Variants in ANKK1 observed in about 807,000 individuals in gnomAD.
ANKK1 encodes the protein ankyrin repeat and protein kinase domain-containing protein 1.
Under a neutral mutation model 37.6 loss-of-function variants are expected in ANKK1, and 37 were observed. The ratio of observed to expected loss-of-function variants is 0.98; its 90% CI spans 0.76 to 1.29. The LOEUF is 1.29. Among genes scored for constraint, ANKK1 ranks in the 50% most tolerant of loss-of-function variants. The pLI, the probability that ANKK1 is intolerant of heterozygous loss-of-function variation, is 0.00. For synonymous variants in ANKK1, 415 were observed against 418.7 expected (o/e 0.99, Z 0.11); for missense variants, 1,019 against 990.6 (o/e 1.03, Z -0.39).
chr11:113,399,593 G>T lies in ANKK1; in HGVS notation c.1624G>T (p.Ala542Ser). ...HLAVERGKVRAIQHLLKSGAV... is the reference protein window; with the variant it reads ...HLAVERGKVRSIQHLLKSGAV... The stretch of plus-strand genomic sequence containing the variant: ...GGCAGTAGAGCGGGGCAAAGTGAGG[G>T]CCATCCAACACCTGCTGAAGAGTGG... The change falls in exon 8 of 8, where the codon GCC becomes TCC. Residue 542 changes from alanine (A) to serine (S), a missense_variant. Ala to Ser is a moderately conservative substitution (Grantham distance 99, BLOSUM62 1). Coordinates refer to ENST00000303941, the MANE Select transcript of ANKK1 (RefSeq NM_178510.2). 3 of 1,605,982 alleles carry T rather than the reference G, an allele frequency of 1.9e-6. No homozygotes were observed. The highest frequency in any genetic ancestry group is 2.5e-6 in the Non-Finnish European group (3 of 1,176,522).
At chr11:113,398,541 G>A (rs1353095453) in intron 7 of ANKK1, among the ~76,000 whole-genome samples, 1 of 152,032 alleles carries the variant, frequency 6.6e-6, no homozygotes, top group South Asian at 2.1e-4. Flanking sequence ...TTTCCCTCAG[G>A]TCCTCCACTG....
intron 2 of ANKK1, among the ~76,000 whole-genome samples, chr11:113,394,424 T>C (rs1950619527): frequency 6.6e-6 from 1 of 152,202 alleles, no homozygotes; most frequent in Non-Finnish European, 1.5e-5. Flanking sequence ...TCATTTTTCT[T>C]ATCTGCTGCC....
At chr11:113,397,059 C>A (rs1053216319) in intron 5 of ANKK1, among the ~76,000 whole-genome samples, 165 bp from the exon 6 acceptor site, 3 of 152,164 alleles carry the variant, frequency 2.0e-5, no homozygotes, top group Non-Finnish European at 4.4e-5. Context: ...GCTGAAGGTG[C>A]CCCACCATGA....
intron 4 of ANKK1, 39 bp downstream of exon 4, chr11:113,395,447 G>A: frequency 6.2e-7 from 1 of 1,608,254 alleles, no homozygotes; most frequent in Non-Finnish European, 8.5e-7. Context: ...GGGGCAGGAG[G>A]ACCCCTGGGA....
rs1950686560 is a variant in ANKK1 at position 113,399,924 on chromosome 11, C to T, written c.1955C>T (p.Pro652Leu). 1.9e-6 allele frequency: 3 copies of T among 1,613,584 alleles called. No individual in the cohort carries two copies. Among genetic ancestry groups the T allele is most frequent in the Non-Finnish European group, 1.7e-6 (2 of 1,179,882 alleles). Residue 652 changes from proline (P) to leucine (L), a missense_variant, in exon 8 of 8, where the codon CCC becomes CTC. Transcript: ENST00000303941. ...GCACTGCTGCAGTGTGGGGCTGACC[C>T]CAATGCTGCAGAGCAGTCAGGCTGG... ...VSALLQCGAD[P>L]NAAEQSGWTP...
Position 113,400,175 on chromosome 11 carries a change from C to A in ANKK1, c.2206C>A (p.Arg736=). The change falls in exon 8 of 8, where the codon CGA becomes AGA. Residue 736 remains arginine (R), a synonymous_variant. Coordinates refer to ENST00000303941, the MANE Select transcript of ANKK1 (RefSeq NM_178510.2). ...CTPLQLALRS[R]KQGIMSFLEG... Reference sequence around the variant, plus strand: ...ACCCCTGCAACTGGCCCTCCGCAGCCGAAAGCAGGGCATCATGTCCTTCCT... The same window carrying A: ...ACCCCTGCAACTGGCCCTCCGCAGCAGAAAGCAGGGCATCATGTCCTTCCT... The A allele has an allele frequency of 6.3e-7, 1 of 1,578,388 alleles. No individual in the cohort carries two copies. Among genetic ancestry groups the A allele is most frequent in the Non-Finnish European group, 8.6e-7 (1 of 1,162,904 alleles).
chr11:113,400,152 C>A lies in ANKK1; in HGVS notation c.2183C>A (p.Pro728His), dbSNP rs1379563521. 6.2e-7 allele frequency: 1 copy of A among 1,603,206 alleles called. No individual in the cohort carries two copies. Among genetic ancestry groups the A allele is most frequent in the Non-Finnish European group, 8.5e-7 (1 of 1,175,186 alleles). ...GTCCAGGATGGAGTGAGCTGCACAC[C>A]CCTGCAACTGGCCCTCCGCAGCCGA... ...LDVQDGVSCT[P>H]LQLALRSRKQ... The change falls in exon 8 of 8, where the codon CCC becomes CAC. Residue 728 changes from proline to histidine, a missense_variant. Transcript: ENST00000303941.
chr11:113,391,476 G>C (rs112038210), intron 1 of ANKK1, among the ~76,000 whole-genome samples: 1 of 152,132 alleles, frequency 6.6e-6, no homozygotes, highest in African/African-American at 2.4e-5. Flanking sequence ...GGAGGCTTGG[G>C]CTGAGATGCA....
In ANKK1 at chr11:113,399,025, A is replaced by G. The variant is rs2138138501; in HGVS notation, c.1056A>G (p.Arg352=). 2.5e-6 allele frequency: 4 copies of G among 1,601,952 alleles called. No homozygotes were observed. The highest frequency in any genetic ancestry group is 3.4e-6 in the Non-Finnish European group (4 of 1,174,328). The change falls in exon 8 of 8, where the codon AGA becomes AGG. Residue 352 remains arginine (R), a synonymous_variant. Coordinates refer to ENST00000303941, the MANE Select transcript of ANKK1 (RefSeq NM_178510.2). ...CCGACCGTAAGAATTTGGTCCCGAG[A>G]GATGAGGAACTGTGTATCTATGAGA... ...QLSDRKNLVP[R]DEELCIYENK...
At chr11:113,391,510 G>A (rs1443790758) in intron 1 of ANKK1, among the ~76,000 whole-genome samples, 1 of 152,106 alleles carries the variant, frequency 6.6e-6, no homozygotes, top group Non-Finnish European at 1.5e-5. Context: ...GTGGTGAGAA[G>A]TGGTCAGCTT....
rs143482544 is a variant in ANKK1 at position 113,389,773 on chromosome 11, G to C, written c.185+1704G>C. 4.6e-5 allele frequency among the ~76,000 whole-genome samples: 7 copies of C among 152,326 alleles called. No homozygotes were observed. In the East Asian group the frequency reaches 1.4e-3, roughly 29 times the overall value. Reference sequence around the variant, plus strand: ...ATCTGTGGCAAGAGGGGCATGGTAAGTACAAAGATGGGAAAAGGCCATGAT... The same window carrying C: ...ATCTGTGGCAAGAGGGGCATGGTAACTACAAAGATGGGAAAAGGCCATGAT... On this transcript the variant is annotated intron_variant, in intron 1 of 7. Transcript: ENST00000303941.
At chr11:113,391,534 A>G (rs1280058028) in intron 1 of ANKK1, among the ~76,000 whole-genome samples, 1 of 152,052 alleles carries the variant, frequency 6.6e-6, no homozygotes, top group African/African-American at 2.4e-5. Context: ...GCTCGACAGT[A>G]TTTTGAAGGT....
chr11:113,399,287 G>A lies in ANKK1; in HGVS notation c.1318G>A (p.Asp440Asn), dbSNP rs1216131846. 6.2e-7 allele frequency: 1 copy of A among 1,604,866 alleles called. No homozygotes were observed. Among genetic ancestry groups the A allele is most frequent in the Non-Finnish European group, 8.5e-7 (1 of 1,176,100 alleles). Reference protein sequence around the residue: ...APLHFAAQNGDDGTARLLLDH... With the variant: ...APLHFAAQNGNDGTARLLLDH... ...ACTGCACTTTGCAGCCCAGAATGGGGATGACGGCACTGCGCGCCTGCTCCT... is the reference window on the plus strand; with the variant it reads ...ACTGCACTTTGCAGCCCAGAATGGGAATGACGGCACTGCGCGCCTGCTCCT... The change falls in exon 8 of 8, where the codon GAT becomes AAT. Residue 440 changes from aspartate (D) to asparagine (N), a missense_variant. Physicochemically the swap from Asp to Asn is conservative, Grantham distance 23. Coordinates refer to ENST00000303941, the MANE Select transcript of ANKK1 (RefSeq NM_178510.2).
rs1189666691 is a variant in ANKK1, at chr11:113,387,879, G to A, written c.-6G>A. 2.6e-6 allele frequency: 4 copies of A among 1,529,682 alleles called. No individual in the cohort carries two copies. Among genetic ancestry groups the A allele is most frequent in the Non-Finnish European group, 3.5e-6 (4 of 1,139,290 alleles). The allele number at this position is 1,529,682 out of a possible 1,614,324, so 94.8% of individuals were successfully genotyped here. ...TGCGCGGCGCGGGGACAGGAAGAGA[G>A]GGGCAATGGCTGCCGACCCCACCGA... is the stretch of plus-strand genomic sequence containing the variant. On this transcript the variant is annotated 5_prime_UTR_variant, in exon 1 of 8. Coordinates refer to ENST00000303941, the MANE Select transcript of ANKK1 (RefSeq NM_178510.2).
chr11:113,394,808 G>GTC, intron 2 of ANKK1, 121 bp from the exon 3 acceptor site: 1 of 1,361,694 alleles, frequency 7.3e-7, no homozygotes, highest in Non-Finnish European at 1.0e-6. Context: ...AGGAGGGAGT[G>GTC]TCATAGAAAA....
intron 1 of ANKK1, among the ~76,000 whole-genome samples, chr11:113,392,601 A>G (rs980763267): frequency 6.6e-6 from 1 of 152,222 alleles, no homozygotes; most frequent in South Asian, 2.1e-4. Flanking sequence ...CAATCCCAAA[A>G]TAATCTATAA....
chr11:113,397,123 T>C, intron 5 of ANKK1, 101 bp from the exon 6 acceptor site: 1 of 965,958 alleles, frequency 1.0e-6, no homozygotes, highest in Non-Finnish European at 1.5e-6. Context: ...AGCCCAGGAA[T>C]GGATTTTGGG....
intron 1 of ANKK1, among the ~76,000 whole-genome samples, chr11:113,392,992 T>C (rs1950599847): frequency 6.6e-6 from 1 of 152,240 alleles, no homozygotes; most frequent in African/African-American, 2.4e-5. Context: ...AGGCTAGCTC[T>C]GGAAGGTTGC....
At chr11:113,396,328 A>C in intron 5 of ANKK1, 106 bp downstream of exon 5, 1 of 1,355,192 alleles carries the variant, frequency 7.4e-7, no homozygotes, top group Non-Finnish European at 9.9e-7. Context: ...TTTTGGTACT[A>C]CGGCCTAGAA....
Sources: allele counts gnomAD v4.1 joint callset (sites outside exome capture counted in the v4.1 genomes callset), GRCh38; gene constraint gnomAD v4.1.1; transcripts MANE v1.5; gene names NCBI Gene and HGNC (gene_info 2026-07-23, HGNC 2026-07-21).